Variants in S100PBP observed in about 807,000 individuals in gnomAD.
S100PBP encodes S100P binding protein, also known as S100P-binding protein.
A neutral mutation model predicts 39.9 loss-of-function variants in S100PBP; 15 were observed. The ratio of observed to expected loss-of-function variants is 0.38; its 90% CI spans 0.25 to 0.58. S100PBP has a LOEUF of 0.58. Among genes scored for constraint, S100PBP ranks in the 20% least tolerant of loss-of-function variants. The probability of loss-of-function intolerance (pLI) is 0.70; values close to 1 mark genes in which losing one functional copy is unlikely to be tolerated. For missense variants in S100PBP, 504 were observed against 487.3 expected (o/e 1.03, Z -0.32); for synonymous variants, 178 against 180.3 (o/e 0.99, Z 0.10).
intron 6 of S100PBP, among the ~76,000 whole-genome samples, chr1:32,854,946 G>C (rs933699355): frequency 2.0e-5 from 3 of 152,140 alleles, no homozygotes; most frequent in Non-Finnish European, 1.5e-5. Flanking sequence ...CTATGACCTT[G>C]GGTAAATTAT....
intron 5 of S100PBP, among the ~76,000 whole-genome samples, chr1:32,837,600 G>C (rs1264507526): frequency 6.6e-6 from 1 of 150,486 alleles, no homozygotes; most frequent in Non-Finnish European, 1.5e-5. Flanking sequence ...AAGCATATTG[G>C]ACTAAAAACT....
chr1:32,842,436 C>T (rs539777403), intron 5 of S100PBP, among the ~76,000 whole-genome samples: 24 of 151,528 alleles, frequency 1.6e-4, no homozygotes, highest in Middle Eastern at 6.8e-3. Flanking sequence ...TAATGTGTTC[C>T]ACTAGTGTTC....
Position 32,826,083 on chromosome 1 carries a change from C to G in S100PBP, c.-2-15C>G, listed in dbSNP as rs369749573. 1 of 1,558,074 alleles carries G rather than the reference C, an allele frequency of 6.4e-7. No homozygotes were observed. The highest frequency in any genetic ancestry group is 1.4e-5 in the African/African-American group (1 of 72,894). On this transcript the variant is annotated splice_polypyrimidine_tract_variant and intron_variant, in intron 2 of 6. Transcript: ENST00000373475. ...ATTTTCTCTTCCTCAGTGAAATTGT[C>G]TCTTATTTCTCCAGAAATGATGTGC...
At chr1:32,838,931 T>A (rs1408409030) in intron 5 of S100PBP, among the ~76,000 whole-genome samples, 3 of 152,166 alleles carry the variant, frequency 2.0e-5, no homozygotes, top group Non-Finnish European at 2.9e-5. Flanking sequence ...TCCATTTCAA[T>A]AATTTCTTGG....
intron 2 of S100PBP, 66 bp from the exon 3 acceptor site, chr1:32,826,032 T>C (rs1639305381): frequency 1.9e-6 from 2 of 1,065,900 alleles, no homozygotes; most frequent in East Asian, 2.4e-5. Flanking sequence ...TACCCACATA[T>C]AGTGGACTGG....
chr1:32,843,317 TTTGTTGTTGTTG>T (rs3053877), intron 5 of S100PBP: 4 of 150,048 alleles, frequency 2.7e-5, no homozygotes, highest in Admixed American at 6.7e-5. Flanking sequence ...TTTCTTTTTG[TTTGTTGTTGTTG>T]TTGTTGTTGT....
intron 1 of S100PBP, among the ~76,000 whole-genome samples, chr1:32,823,238 T>C (rs1374811463): frequency 6.8e-6 from 1 of 147,800 alleles, no homozygotes; most frequent in African/African-American, 2.5e-5. Context: ...ATCTAAGAAA[T>C]GTAGCTGCTT....
chr1:32,817,477 TGGGCGGTGCGGA>T (rs1638786037), upstream of S100PBP: 2 of 614,780 alleles, frequency 3.3e-6, no homozygotes, highest in Non-Finnish European at 5.8e-6. Flanking sequence ...GTGGGCACGG[TGGGCGGTGCGGA>T]GGGCGGGGCT....
rs181065252 is a variant in S100PBP at position 32,823,327 on chromosome 1, T to C, written c.-119-1986T>C. 4.2e-3 allele frequency among the ~76,000 whole-genome samples: 636 copies of C among 152,338 alleles called. 11 individuals are homozygous for C. Among genetic ancestry groups the C allele is most frequent in the East Asian group, 0.013 (66 of 5,190 alleles). On this transcript the variant is annotated intron_variant, in intron 1 of 6. Transcript: ENST00000373475. ...AGAATGTTTTCCATACTAAACTTTTTTTTCTAACTGCTTCCTAAAGAAATG... is the reference window on the plus strand; with the variant it reads ...AGAATGTTTTCCATACTAAACTTTTCTTTCTAACTGCTTCCTAAAGAAATG...
At chr1:32,845,018 A>G (rs1326851110) in intron 5 of S100PBP, among the ~76,000 whole-genome samples, 1 of 130,758 alleles carries the variant, frequency 7.6e-6, no homozygotes, top group Admixed American at 8.2e-5. Context: ...TTTATTATTT[A>G]TTTATTTATT....
intron 1 of S100PBP, chr1:32,818,134 G>C (rs1638842048): frequency 1.3e-5 from 2 of 152,676 alleles, no homozygotes; most frequent in African/African-American, 4.8e-5. Flanking sequence ...TGGTCCCCGG[G>C]AGAGGAGCGC....
At chr1:32,853,303 A>G (rs1051514676) in intron 6 of S100PBP, 137 bp downstream of exon 6, 30 of 536,040 alleles carry the variant, frequency 5.6e-5, no homozygotes, top group East Asian at 9.9e-5. Context: ...GTGAAACCCC[A>G]TATCTACCAA....
rs1366373224 is a variant in S100PBP, at chr1:32,856,987, T to G, written c.*949T>G. Reference sequence around the variant, plus strand: ...GAGTCTTGACTCTAGGGCAGGCTAGTGCTATTGTGGTGTCAGTTGATATTT... The same window carrying G: ...GAGTCTTGACTCTAGGGCAGGCTAGGGCTATTGTGGTGTCAGTTGATATTT... On this transcript the variant is annotated 3_prime_UTR_variant, in exon 7 of 7. Transcript: ENST00000373475. The G allele has an allele frequency of 6.6e-6, 1 of 152,198 alleles. No homozygotes were observed. The highest frequency in any genetic ancestry group is 1.5e-5 in the Non-Finnish European group (1 of 68,032). 9.4% of individuals were successfully genotyped at this position (152,198 alleles called of 1,614,324 possible).
At chr1:32,817,187 C>A (rs1309507387), upstream of S100PBP, 1 of 1,614,196 alleles carries the variant, frequency 6.2e-7, no homozygotes, top group Non-Finnish European at 8.5e-7. Flanking sequence ...CCAGGCCTGA[C>A]CTGCAGGTTC....
intron 5 of S100PBP, among the ~76,000 whole-genome samples, chr1:32,831,332 T>G (rs747407464): frequency 1.3e-5 from 2 of 151,558 alleles, no homozygotes; most frequent in Non-Finnish European, 2.9e-5. Flanking sequence ...TCTGCTTGTG[T>G]TTGGGAAAAG....
chr1:32,827,590 TCTC>T (rs1446687909), intron 3 of S100PBP, among the ~76,000 whole-genome samples: 2 of 152,132 alleles, frequency 1.3e-5, no homozygotes, highest in Admixed American at 1.3e-4. Context: ...TTCAAGCAAT[TCTC>T]CTGTCTCAGT....
Position 32,827,676 on chromosome 1 carries a change from T to G in S100PBP, c.832-317T>G, listed in dbSNP as rs1277510916. Among the ~76,000 whole-genome samples, 13 of 152,262 alleles carry G rather than the reference T, an allele frequency of 8.5e-5. 1 individual carries two copies. Among genetic ancestry groups the G allele is most frequent in the African/African-American group, 3.1e-4 (13 of 41,546 alleles). On this transcript the variant is annotated intron_variant, in intron 3 of 6. Transcript: ENST00000373475. ...TTTGTATTTTAGTGGAGACGGTGTT[T>G]CACCATGTTGGCCAGGATGGTCTCG...
At chr1:32,849,804 A>G (rs1052639281) in intron 5 of S100PBP, among the ~76,000 whole-genome samples, 1 of 152,180 alleles carries the variant, frequency 6.6e-6, no homozygotes, top group Admixed American at 6.5e-5. Flanking sequence ...ATATTGTTGG[A>G]ATTCTGGCTT....
chr1:32,855,731 CACTT>C (rs1482564023), intron 6 of S100PBP, among the ~76,000 whole-genome samples, 189 bp from the exon 7 acceptor site: 1 of 151,916 alleles, frequency 6.6e-6, no homozygotes, highest in Non-Finnish European at 1.5e-5. Context: ...AAAGAAATAG[CACTT>C]ACGGTGTGGT....
Sources: gnomAD v4.1 joint callset for allele counts (sites outside exome capture counted in the v4.1 genomes callset) on GRCh38, gnomAD v4.1.1 for gene constraint, MANE v1.5 for transcripts, NCBI Gene and HGNC (gene_info 2026-07-23, HGNC 2026-07-21) for gene names.